SLC7A14: variants seen among roughly 807,000 people sequenced by gnomAD.
SLC7A14 encodes solute carrier family 7 member 14, also known as gamma-aminobutyric acid transporter SLC7A14.
A neutral mutation model predicts 60.2 loss-of-function variants in SLC7A14; 37 were observed. The ratio of observed to expected loss-of-function variants is 0.61; its 90% confidence interval spans 0.47 to 0.81. SLC7A14 has a LOEUF of 0.81. SLC7A14 is among the 30% of genes least tolerant of loss of function. The pLI, the probability that SLC7A14 is intolerant of heterozygous loss-of-function variation, is 0.00. For synonymous variants in SLC7A14, 399 were observed against 395.8 expected (o/e 1.01, Z -0.10); for missense variants, 886 against 982.7 (o/e 0.90, Z 1.32).
chr3:170,572,078 A>AAG (rs1553875360), intron 1 of SLC7A14, among the ~76,000 whole-genome samples: 1,793 of 149,428 alleles, frequency 0.012, 34 homozygotes, highest in African/African-American at 0.043. Flanking sequence ...AAAAAAAAAA[A>AAG]AAAGAAAGAA....
At chr3:170,549,623 T>G (rs952579925) in intron 1 of SLC7A14, among the ~76,000 whole-genome samples, 2 of 152,206 alleles carry the variant, frequency 1.3e-5, no homozygotes, top group Non-Finnish European at 2.9e-5. Context: ...GTGACACTTA[T>G]GACCGCAGAA....
At chr3:170,541,563 A>G (rs1004970967) in intron 1 of SLC7A14, among the ~76,000 whole-genome samples, 4 of 152,182 alleles carry the variant, frequency 2.6e-5, no homozygotes, top group Non-Finnish European at 5.9e-5. Context: ...CACACCACTT[A>G]CTCCAGTTTG....
intron 1 of SLC7A14, among the ~76,000 whole-genome samples, chr3:170,573,345 TGCC>T (rs1715002043): frequency 2.0e-5 from 3 of 152,386 alleles, no homozygotes; most frequent in Non-Finnish European, 4.4e-5. Context: ...TCAAGTGCCA[TGCC>T]ACCTGAGACC....
intron 1 of SLC7A14, among the ~76,000 whole-genome samples, chr3:170,568,273 C>T (rs1714849417): frequency 6.6e-6 from 1 of 152,152 alleles, no homozygotes; most frequent in Admixed American, 6.5e-5. Context: ...GGAATCCTTT[C>T]CCCATTGCTT....
chr3:170,495,531 GC>G, intron 4 of SLC7A14: 1 of 734,878 alleles, frequency 1.4e-6, no homozygotes. Flanking sequence ...TGGGCCTGGT[GC>G]CCACATCAGC....
intron 4 of SLC7A14, chr3:170,496,557 G>A (rs2108277633): frequency 1.3e-6 from 2 of 1,598,336 alleles, no homozygotes; most frequent in South Asian, 2.2e-5. Context: ...TGAGTACCAG[G>A]AGCTGATGAA....
rs774603424 is a variant in SLC7A14 at position 170,526,938 on chromosome 3, T to C, written c.-2A>G. On this transcript the variant is annotated 5_prime_UTR_variant, in exon 2 of 8. Coordinates refer to ENST00000231706, the MANE Select transcript of SLC7A14 (RefSeq NM_020949.3). ...CAGCGAGGTGAAGAAGCCACTCATC[T>C]TGAGCGATAGGGGATGCAGTGAAGG... 1.2e-6 allele frequency: 2 copies of C among 1,611,592 alleles called. No homozygotes were observed. The highest frequency in any genetic ancestry group is 2.2e-5 in the East Asian group (1 of 44,812).
intron 4 of SLC7A14, among the ~76,000 whole-genome samples, chr3:170,487,051 A>G (rs1712057961): frequency 6.7e-6 from 1 of 148,536 alleles, no homozygotes; most frequent in Non-Finnish European, 1.5e-5. Context: ...TATTGTCTTC[A>G]CTGGGAAGAC....
At chr3:170,522,755 T>C (rs1339270149) in intron 2 of SLC7A14, among the ~76,000 whole-genome samples, 2 of 152,176 alleles carry the variant, frequency 1.3e-5, no homozygotes, top group Admixed American at 6.5e-5. Flanking sequence ...CTAAAGCTCA[T>C]AGAAGTGTAT....
chr3:170,526,578 T>C (rs945501567), intron 2 of SLC7A14, 55 bp downstream of exon 2: 1 of 1,575,634 alleles, frequency 6.3e-7, no homozygotes, highest in African/African-American at 1.3e-5. Flanking sequence ...GGATGAACAG[T>C]GACCAGGCTG....
At chr3:170,495,477 T>C in intron 4 of SLC7A14, 1 of 897,762 alleles carries the variant, frequency 1.1e-6, no homozygotes, top group Non-Finnish European at 1.7e-6. Flanking sequence ...CTACAAGGTG[T>C]CCACCTCTGG....
At chr3:170,570,577 T>A (rs1714921648) in intron 1 of SLC7A14, 1 of 152,140 alleles carries the variant, frequency 6.6e-6, no homozygotes, top group Non-Finnish European at 1.5e-5. Flanking sequence ...AATGATGATA[T>A]CTCTTGTAAG....
At chr3:170,531,205 G>C (rs1713669703) in intron 1 of SLC7A14, among the ~76,000 whole-genome samples, 1 of 152,098 alleles carries the variant, frequency 6.6e-6, no homozygotes, top group African/African-American at 2.4e-5. Flanking sequence ...AGATATTGCT[G>C]TTTTCCACAG....
At chr3:170,568,552 C>A (rs1397533323) in intron 1 of SLC7A14, among the ~76,000 whole-genome samples, 1 of 152,158 alleles carries the variant, frequency 6.6e-6, no homozygotes, top group Non-Finnish European at 1.5e-5. Flanking sequence ...TGAAGAAAGT[C>A]ATTGGTAGCT....
intron 1 of SLC7A14, among the ~76,000 whole-genome samples, chr3:170,555,863 G>C (rs1033956487): frequency 1.3e-5 from 2 of 152,110 alleles, no homozygotes; most frequent in Non-Finnish European, 2.9e-5. Flanking sequence ...TAGACATTTA[G>C]TTTTCTATCA....
intron 1 of SLC7A14, among the ~76,000 whole-genome samples, chr3:170,546,301 G>C (rs1041976295): frequency 1.3e-5 from 2 of 152,116 alleles, no homozygotes; most frequent in African/African-American, 4.8e-5. Flanking sequence ...AATGACTGAG[G>C]GGAACTTTTT....
At chr3:170,568,883 T>C (rs1242783991) in intron 1 of SLC7A14, among the ~76,000 whole-genome samples, 1 of 152,246 alleles carries the variant, frequency 6.6e-6, no homozygotes, top group Non-Finnish European at 1.5e-5. Flanking sequence ...TCTGCTGAAG[T>C]TGCTTATCAG....
At chr3:170,520,464 G>A (rs1713309738) in intron 2 of SLC7A14, among the ~76,000 whole-genome samples, 1 of 152,154 alleles carries the variant, frequency 6.6e-6, no homozygotes, top group Non-Finnish European at 1.5e-5. Flanking sequence ...TGGGTCCTTT[G>A]GAAATAGAGA....
At chr3:170,486,984 C>G (rs538132888) in intron 4 of SLC7A14, among the ~76,000 whole-genome samples, 9 of 150,864 alleles carry the variant, frequency 6.0e-5, no homozygotes, top group Non-Finnish European at 1.2e-4. Flanking sequence ...CAGATCAGCT[C>G]TATGGTAACT....
Sources: allele counts gnomAD v4.1 joint callset (sites outside exome capture counted in the v4.1 genomes callset), GRCh38; gene constraint gnomAD v4.1.1; transcripts MANE v1.5; gene names NCBI Gene and HGNC (gene_info 2026-07-23, HGNC 2026-07-21).